Variants in ENTREP2 observed in about 807,000 individuals in gnomAD.
ENTREP2 encodes endosomal transmembrane epsin interactor 2.
the ENTREP2 span, among the ~76,000 whole-genome samples, chr15:29,462,784 C>A: frequency 6.6e-6 from 1 of 152,086 alleles, no homozygotes; most frequent in Non-Finnish European, 1.5e-5. Flanking sequence ...CAGTGTCAAC[C>A]CAACCAGGCT....
chr15:29,443,830 C>G, the ENTREP2 span, among the ~76,000 whole-genome samples: 1 of 151,888 alleles, frequency 6.6e-6, no homozygotes, highest in South Asian at 2.1e-4. Flanking sequence ...AGGGGCCGGG[C>G]GCGGTGGCTC....
At chr15:29,165,906 G>T in the ENTREP2 span, among the ~76,000 whole-genome samples, 3 of 152,126 alleles carry the variant, frequency 2.0e-5, no homozygotes, top group Non-Finnish European at 4.4e-5. Flanking sequence ...GATGAACATA[G>T]ATGCCAAAAT....
the ENTREP2 span, among the ~76,000 whole-genome samples, chr15:29,475,223 G>A: frequency 2.6e-5 from 4 of 152,128 alleles, no homozygotes; most frequent in African/African-American, 9.7e-5. Flanking sequence ...CTGCTTCCAA[G>A]GGGTGAGCTG....
At chr15:29,607,825 T>TGGAC in the ENTREP2 span, among the ~76,000 whole-genome samples, 170 of 84,982 alleles carry the variant, frequency 2.0e-3, 2 homozygotes, top group South Asian at 0.06. Context: ...GATAGATAGA[T>TGGAC]AGACAGACAG....
the ENTREP2 span, among the ~76,000 whole-genome samples, chr15:29,156,858 T>G: frequency 7.8e-4 from 119 of 152,108 alleles, no homozygotes; most frequent in African/African-American, 2.7e-3. Flanking sequence ...CAGTGGCTCA[T>G]GCGAGGCGGG....
At chr15:29,356,296 A>ATATATATATATATATT in the ENTREP2 span, among the ~76,000 whole-genome samples, 1 of 34,386 alleles carries the variant, frequency 2.9e-5, no homozygotes, top group African/African-American at 8.8e-5. Context: ...ATATATATAT[A>ATATATATATATATATT]TTTTTTTTTT....
the ENTREP2 span, among the ~76,000 whole-genome samples, chr15:29,526,054 T>C: frequency 1.3e-5 from 2 of 152,196 alleles, no homozygotes; most frequent in Non-Finnish European, 2.9e-5. Context: ...AATGGGTAGA[T>C]TTAATATGCT....
chr15:29,444,154 CAGAAAGAAAGACAGACAAAGAAAG>C, the ENTREP2 span, among the ~76,000 whole-genome samples: 21 of 54,832 alleles, frequency 3.8e-4, no homozygotes, highest in African/African-American at 9.1e-4. Flanking sequence ...GAAAGACAGA[CAGAAAGAAAGACAGACAAAGAAAG>C]AAAGAAAGAA....
the ENTREP2 span, among the ~76,000 whole-genome samples, chr15:29,486,460 G>A: frequency 6.6e-6 from 1 of 152,318 alleles, no homozygotes; most frequent in African/African-American, 2.4e-5. Context: ...GGAGGCCGAG[G>A]TGGGCAGATC....
At chr15:29,368,155 T>C in the ENTREP2 span, among the ~76,000 whole-genome samples, 1 of 151,902 alleles carries the variant, frequency 6.6e-6, no homozygotes, top group Admixed American at 6.6e-5. Flanking sequence ...TGAAACTCCG[T>C]CTCTACCAAA....
chr15:29,323,751 A>G, the ENTREP2 span, among the ~76,000 whole-genome samples: 92 of 152,092 alleles, frequency 6.0e-4, no homozygotes, highest in African/African-American at 2.1e-3. Context: ...TCTGGTGGCC[A>G]CTCCCTGCTG....
chr15:29,269,161 A>T, the ENTREP2 span: 6 of 1,613,924 alleles, frequency 3.7e-6, no homozygotes, highest in Non-Finnish European at 5.1e-6. Context: ...GAGCCCTAAG[A>T]CGATCATCAG....
chr15:29,456,629 G>A, the ENTREP2 span, among the ~76,000 whole-genome samples: 3 of 152,214 alleles, frequency 2.0e-5, no homozygotes, highest in Admixed American at 6.5e-5. Flanking sequence ...CACAGCCGCA[G>A]AGGGGAGACA....
chr15:29,607,825 T>TAGATAGATAGATAGATAGATAGACAGAC, the ENTREP2 span, among the ~76,000 whole-genome samples: 21 of 84,976 alleles, frequency 2.5e-4, no homozygotes, highest in African/African-American at 1.4e-3. Context: ...GATAGATAGA[T>TAGATAGATAGATAGATAGATAGACAGAC]AGACAGACAG....
the ENTREP2 span, among the ~76,000 whole-genome samples, chr15:29,430,451 C>A: frequency 6.6e-6 from 1 of 152,202 alleles, no homozygotes; most frequent in Admixed American, 6.5e-5. Flanking sequence ...GCTCCCAGCA[C>A]AGGCCTGGCC....
chr15:29,238,223 T>C, the ENTREP2 span, among the ~76,000 whole-genome samples: 70 of 152,306 alleles, frequency 4.6e-4, 2 homozygotes, highest in East Asian at 0.014. Flanking sequence ...GAGCTAAAGG[T>C]ACAGGGTTGC....
the ENTREP2 span, among the ~76,000 whole-genome samples, chr15:29,378,532 G>A: frequency 3.9e-5 from 6 of 152,090 alleles, no homozygotes; most frequent in Non-Finnish European, 4.4e-5. Context: ...ATAATGTAGT[G>A]GGCTGCAACC....
chr15:29,349,242 TA>T, the ENTREP2 span, among the ~76,000 whole-genome samples: 1 of 151,820 alleles, frequency 6.6e-6, no homozygotes, highest in East Asian at 1.9e-4. Context: ...TTACTCGCAT[TA>T]AAAAAAATAA....
chr15:29,613,812 G>C, the ENTREP2 span: 1 of 161,998 alleles, frequency 6.2e-6, no homozygotes, highest in East Asian at 1.8e-4. Context: ...CACGCCTCCA[G>C]TTCTTCATGG....
Sources: gnomAD v4.1 joint callset for allele counts (sites outside exome capture counted in the v4.1 genomes callset) on GRCh38, gnomAD v4.1.1 for gene constraint, MANE v1.5 for transcripts, NCBI Gene and HGNC (gene_info 2026-07-23, HGNC 2026-07-21) for gene names.